SZRD1: variants seen among roughly 807,000 people sequenced by gnomAD.
SZRD1 encodes SUZ RNA-binding domain-containing.
SZRD1 carries 7 observed loss-of-function variants against 17.6 expected under a neutral mutation model. The observed-to-expected ratio is 0.40, with a 90% CI of 0.23 to 0.75. The LOEUF (loss-of-function observed/expected upper bound fraction) is 0.75, where lower values mean the gene tolerates loss of function less well. Ranked by LOEUF, SZRD1 falls within the 30% of genes least tolerant of loss-of-function variation. The pLI, the probability that SZRD1 is intolerant of heterozygous loss-of-function variation, is 0.38. For synonymous variants in SZRD1, 77 were observed against 77.9 expected, an observed-to-expected ratio of 0.99 and a Z score of 0.06; for missense variants, 178 against 201.8, an observed-to-expected ratio of 0.88 and a Z score of 0.71.
intron 1 of SZRD1, among the ~76,000 whole-genome samples, chr1:16,384,212 G>T (rs965705877): frequency 1.2e-4 from 18 of 152,102 alleles, no homozygotes; most frequent in Non-Finnish European, 2.4e-4. Context: ...CATGGAGGTT[G>T]TTTGGAGAAG....
At chr1:16,374,064 A>G (rs2082957003) in intron 1 of SZRD1, among the ~76,000 whole-genome samples, 1 of 152,216 alleles carries the variant, frequency 6.6e-6, no homozygotes, top group South Asian at 2.1e-4. Context: ...ACAACAAAAA[A>G]AGGCTATGGG....
intron 1 of SZRD1, chr1:16,387,239 C>T (rs1009688445): frequency 1.3e-5 from 6 of 452,190 alleles, no homozygotes; most frequent in East Asian, 7.0e-5. Context: ...CCTCTTGAAG[C>T]GCTTTTCTTC....
At chr1:16,375,156 G>C (rs970204123) in intron 1 of SZRD1, among the ~76,000 whole-genome samples, 2 of 152,146 alleles carry the variant, frequency 1.3e-5, no homozygotes, top group African/African-American at 4.8e-5. Context: ...GATTACAAGC[G>C]TGAGCCACCA....
intron 1 of SZRD1, chr1:16,386,920 G>C (rs1244316145): frequency 5.6e-6 from 1 of 178,342 alleles, no homozygotes; most frequent in African/African-American, 2.4e-5. Flanking sequence ...TGTCGGGGGA[G>C]GGTGGTATGT....
chr1:16,376,877 G>C (rs1180611981), intron 1 of SZRD1, among the ~76,000 whole-genome samples: 1 of 149,060 alleles, frequency 6.7e-6, no homozygotes, highest in Non-Finnish European at 1.5e-5. Context: ...TTGTTACCCA[G>C]ACTGATCTGA....
chr1:16,380,488 G>T (rs1188940614), intron 1 of SZRD1, among the ~76,000 whole-genome samples: 1 of 151,068 alleles, frequency 6.6e-6, no homozygotes, highest in Non-Finnish European at 1.5e-5. Flanking sequence ...TTTTTGAGAT[G>T]GAGTTTCTCT....
intron 1 of SZRD1, among the ~76,000 whole-genome samples, chr1:16,372,854 G>T (rs1420236618): frequency 6.6e-6 from 1 of 152,164 alleles, no homozygotes; most frequent in African/African-American, 2.4e-5. Context: ...CCTGTTTAGT[G>T]GGGGAGTCAG....
intron 1 of SZRD1, among the ~76,000 whole-genome samples, chr1:16,376,577 A>G (rs2083005661): frequency 6.6e-6 from 1 of 152,068 alleles, no homozygotes; most frequent in African/African-American, 2.4e-5. Flanking sequence ...GGGCCGAGGC[A>G]GGCGGATCAC....
chr1:16,378,288 T>C (rs946685333), intron 1 of SZRD1, among the ~76,000 whole-genome samples: 7 of 149,048 alleles, frequency 4.7e-5, no homozygotes, highest in African/African-American at 7.4e-5. Context: ...GCAACTTCTT[T>C]TTTTTTTTTT....
At position 16,395,461 on chromosome 1, in the gene SZRD1, TGG is replaced by T. The variant is rs1250921858; in HGVS notation, c.*324_*325del. ...AGTCAGACAGTGCCACTTGGCCACT[TGG>T]GGTAAAGCCAGTGCCAGCAATAACA... On this transcript the variant is annotated 3_prime_UTR_variant, in exon 4 of 4. Coordinates refer to ENST00000401088, the MANE Select transcript of SZRD1 (RefSeq NM_001114600.3). The T allele has an allele frequency of 8.0e-6, 3 of 374,828 alleles. No homozygotes were observed. The highest frequency in any genetic ancestry group is 1.5e-5 in the Non-Finnish European group (3 of 199,616). The allele number at this position is 374,828 out of a possible 1,614,324, so 23.2% of individuals were successfully genotyped here.
At chr1:16,387,412 G>T in intron 1 of SZRD1, 1 of 447,806 alleles carries the variant, frequency 2.2e-6, no homozygotes, top group South Asian at 1.6e-5. Flanking sequence ...TTTGGCTCTC[G>T]CAGCGATATG....
rs1275672449 is a variant in SZRD1, at chr1:16,393,274, G to A, written c.148G>A (p.Asp50Asn). 6 of 1,614,050 alleles carry A rather than the reference G, an allele frequency of 3.7e-6. No individual in the cohort carries two copies. Among genetic ancestry groups the A allele is most frequent in the Admixed American group, 1.7e-5 (1 of 60,004 alleles). ...PPKVPIVIQD[D>N]SLPAGPPPQI... ...CAAAGTGCCCATTGTGATTCAGGAC[G>A]ATAGCCTTCCCGCGGGGCCCCCTCC... Residue 50 changes from aspartate to asparagine, a missense_variant, in exon 3 of 4, where the codon GAT (aspartate) becomes AAT (asparagine). Around this residue, in one of 3 missense-constraint regions of SZRD1, gnomAD observed 117 missense variants for 108.7 expected, o/e 1.08. Transcript: ENST00000401088. The surrounding 1 kb of genome is among the most constrained non-coding windows in gnomAD (Gnocchi z 5.6).
At chr1:16,369,887 C>CAA (rs565655605) in intron 1 of SZRD1, among the ~76,000 whole-genome samples, 92 of 124,714 alleles carry the variant, frequency 7.4e-4, no homozygotes, top group South Asian at 1.4e-3. Flanking sequence ...GAAACTCCAT[C>CAA]AAAAAAAAAA....
chr1:16,394,121 CCTT>C (rs1289588346), intron 3 of SZRD1, among the ~76,000 whole-genome samples: 1 of 152,206 alleles, frequency 6.6e-6, no homozygotes, highest in Non-Finnish European at 1.5e-5. Flanking sequence ...AAGATGGCCT[CCTT>C]CTAACTTTGA....
chr1:16,370,225 CTT>C (rs557535183), intron 1 of SZRD1, among the ~76,000 whole-genome samples: 57 of 143,284 alleles, frequency 4.0e-4, no homozygotes, highest in Non-Finnish European at 3.7e-4. Flanking sequence ...CTTTCTTTTC[CTT>C]TTTTTTTTTT....
At chr1:16,392,507 A>G (rs1427377509) in intron 2 of SZRD1, among the ~76,000 whole-genome samples, 4 of 152,078 alleles carry the variant, frequency 2.6e-5, no homozygotes, top group African/African-American at 9.7e-5. Context: ...GCCTTGGACA[A>G]TGCTTTTCTT....
At chr1:16,376,945 A>C (rs894264165) in intron 1 of SZRD1, among the ~76,000 whole-genome samples, 5 of 152,062 alleles carry the variant, frequency 3.3e-5, no homozygotes, top group African/African-American at 7.2e-5. Flanking sequence ...AGCTCAGAGT[A>C]CAGGTGCGTG....
rs1426334817 is a variant in SZRD1, at chr1:16,396,472, C to T, written c.*1332C>T. 1.3e-5 allele frequency: 2 copies of T among 152,244 alleles called. No homozygotes were observed. The highest frequency in any genetic ancestry group is 2.9e-5 in the Non-Finnish European group (2 of 68,056). 9.4% of individuals were successfully genotyped at this position (152,244 alleles called of 1,614,324 possible). On this transcript the variant is annotated 3_prime_UTR_variant, in exon 4 of 4. Coordinates refer to ENST00000401088, the MANE Select transcript of SZRD1 (RefSeq NM_001114600.3). ...AGGGCCTGGAATGAAGGCAGTTTAT[C>T]CTCTGTCCCTGGAGCCTGGGGTTTG...
chr1:16,367,584 G>A (rs2082843812), intron 1 of SZRD1: 1 of 505,218 alleles, frequency 2.0e-6, no homozygotes, highest in Non-Finnish European at 3.5e-6. Flanking sequence ...CTCCTTTCCT[G>A]ACCCCCCGCG....
Sources: allele counts gnomAD v4.1 joint callset (sites outside exome capture counted in the v4.1 genomes callset), GRCh38; gene constraint gnomAD v4.1.1; regional missense constraint gnomAD v4.1.1; non-coding constraint Gnocchi (gnomAD v3.1); transcripts MANE v1.5; gene names NCBI Gene and HGNC (gene_info 2026-07-23, HGNC 2026-07-21).